The following KRABD5 variants were observed in gnomAD, a reference collection of about 807,000 sequenced individuals.
KRABD5 encodes the protein KRAB domain containing 5.
At chr16:31,760,781 T>C in the KRABD5 span, 4 of 152,304 alleles carry the variant, frequency 2.6e-5, no homozygotes, top group East Asian at 1.9e-4. Flanking sequence ...TTTGCAAACA[T>C]GTGGAGTGTG....
the KRABD5 span, chr16:31,754,608 T>A: frequency 2.1e-6 from 1 of 477,412 alleles, no homozygotes; most frequent in South Asian, 1.5e-5. Flanking sequence ...CAGAGTATCT[T>A]TATTCAAGAG....
chr16:31,755,746 T>C, the KRABD5 span: 1 of 359,626 alleles, frequency 2.8e-6, no homozygotes, highest in South Asian at 2.2e-5. Flanking sequence ...AAGAGTTTTA[T>C]CCAAAATTTA....
chr16:31,733,469 T>C, the KRABD5 span: 2 of 455,880 alleles, frequency 4.4e-6, no homozygotes, highest in Non-Finnish European at 8.8e-6. Flanking sequence ...AGTATAGTCA[T>C]ATTGTTTTAC....
chr16:31,722,111 G>A, the KRABD5 span, among the ~76,000 whole-genome samples: 1 of 152,102 alleles, frequency 6.6e-6, no homozygotes, highest in Non-Finnish European at 1.5e-5. Flanking sequence ...TTTCGCTCTT[G>A]TTGCTCAGGC....
the KRABD5 span, chr16:31,759,508 G>C: frequency 7.9e-7 from 1 of 1,273,460 alleles, no homozygotes; most frequent in Non-Finnish European, 1.1e-6. Flanking sequence ...AACATGTACA[G>C]TTAAGGTTTA....
At chr16:31,754,943 C>T in the KRABD5 span, 2 of 445,444 alleles carry the variant, frequency 4.5e-6, no homozygotes, top group Non-Finnish European at 9.1e-6. Flanking sequence ...TCAGAGAATT[C>T]ACACTGGAGA....
At chr16:31,727,690 T>A in the KRABD5 span, among the ~76,000 whole-genome samples, 1 of 152,192 alleles carries the variant, frequency 6.6e-6, no homozygotes, top group African/African-American at 2.4e-5. Flanking sequence ...TTATTATTGG[T>A]CTGTTCAGTG....
At chr16:31,754,341 T>A in the KRABD5 span, 8 of 612,556 alleles carry the variant, frequency 1.3e-5, no homozygotes, top group African/African-American at 1.5e-4. Context: ...TCATCATTGC[T>A]TAATCAATGT....
the KRABD5 span, among the ~76,000 whole-genome samples, chr16:31,727,858 GTATTTATT>G: frequency 2.7e-4 from 41 of 151,792 alleles, no homozygotes; most frequent in African/African-American, 9.9e-4. Flanking sequence ...TTTCTTTTAT[GTATTTATT>G]TATTTATTTA....
chr16:31,722,877 A>AT, the KRABD5 span: 1 of 990,996 alleles, frequency 1.0e-6, no homozygotes, highest in Non-Finnish European at 1.3e-6. Context: ...TGTTTCCAGG[A>AT]AAAAAAAATT....
At chr16:31,750,813 A>G in the KRABD5 span, among the ~76,000 whole-genome samples, 2 of 152,082 alleles carry the variant, frequency 1.3e-5, no homozygotes, top group African/African-American at 2.4e-5. Flanking sequence ...GTCCCACTCT[A>G]TCCCCCAGGC....
At chr16:31,720,451 G>T in the KRABD5 span, among the ~76,000 whole-genome samples, 2 of 152,158 alleles carry the variant, frequency 1.3e-5, no homozygotes, top group African/African-American at 2.4e-5. Context: ...ACCAAATGAT[G>T]TGTATGCATA....
chr16:31,728,009 C>T, the KRABD5 span, among the ~76,000 whole-genome samples: 3 of 152,106 alleles, frequency 2.0e-5, no homozygotes, highest in Non-Finnish European at 4.4e-5. Context: ...GGGTGTACCA[C>T]CATGCTCAGC....
chr16:31,746,928 G>T, the KRABD5 span, among the ~76,000 whole-genome samples: 1 of 151,126 alleles, frequency 6.6e-6, no homozygotes, highest in Non-Finnish European at 1.5e-5. Context: ...ACTTGTGTGT[G>T]CTTCATGAAG....
At chr16:31,754,010 A>G in the KRABD5 span, 2 of 1,329,366 alleles carry the variant, frequency 1.5e-6, no homozygotes, top group South Asian at 1.3e-5. Context: ...AAAAAACTCA[A>G]TTTATGTCAG....
At chr16:31,727,944 C>T in the KRABD5 span, among the ~76,000 whole-genome samples, 1 of 152,148 alleles carries the variant, frequency 6.6e-6, no homozygotes, top group African/African-American at 2.4e-5. Context: ...TCACTGCAGC[C>T]TCAACCTCCC....
the KRABD5 span, among the ~76,000 whole-genome samples, chr16:31,743,711 G>T: frequency 5.5e-4 from 83 of 152,210 alleles, no homozygotes; most frequent in African/African-American, 1.9e-3. Context: ...ATTACTTTGG[G>T]CAGTATGACC....
the KRABD5 span, among the ~76,000 whole-genome samples, chr16:31,715,817 G>A: frequency 6.6e-6 from 1 of 152,128 alleles, no homozygotes; most frequent in Non-Finnish European, 1.5e-5. Context: ...AGATAGCACA[G>A]GGACCTGGGC....
the KRABD5 span, among the ~76,000 whole-genome samples, chr16:31,730,768 C>T: frequency 6.6e-6 from 1 of 151,910 alleles, no homozygotes; most frequent in Non-Finnish European, 1.5e-5. Flanking sequence ...TTCAAATGAC[C>T]TGTCTTTAAG....
Sources: gnomAD v4.1 joint callset for allele counts (sites outside exome capture counted in the v4.1 genomes callset) on GRCh38, gnomAD v4.1.1 for gene constraint, MANE v1.5 for transcripts, NCBI Gene and HGNC (gene_info 2026-07-23, HGNC 2026-07-21) for gene names.